The following PRPF8 variants were observed in gnomAD, a reference collection of about 807,000 sequenced individuals.
PRPF8 encodes pre-mRNA-processing-splicing factor 8.
PRPF8 carries 64 observed loss-of-function variants against 285.9 expected under a neutral mutation model. The observed-to-expected ratio is 0.22, with a 90% confidence interval of 0.18 to 0.28. The LOEUF is 0.28. Ranked by LOEUF, PRPF8 falls within the 10% of genes least tolerant of loss-of-function variation. The probability of loss-of-function intolerance (pLI) is 1.00; values close to 1 mark genes in which losing one functional copy is unlikely to be tolerated. For missense variants in PRPF8, 1,426 were observed against 3,026.7 expected (o/e 0.47, Z 12.41); for synonymous variants, 1,325 against 1,118.2 (o/e 1.18, Z -3.69).
In PRPF8 at chr17:1,681,495, A is replaced by T; in HGVS notation, c.849T>A (p.Val283=). Residue 283 remains valine (V), a synonymous_variant, in exon 6 of 43, where the codon GTT becomes GTA. Coordinates refer to ENST00000304992, the MANE Select transcript of PRPF8 (RefSeq NM_006445.4). ...CAACTCACTGTAGGTTGATGTCTCG[A>T]ACAAGAGGTTCAAATTTGGGGCCTC... ...IPGGPKFEPL[V]RDINLQDEDW... is the part of the protein sequence containing the mutation. 1 of 1,600,612 alleles carries T rather than the reference A, an allele frequency of 6.2e-7. No homozygotes were observed. The highest frequency in any genetic ancestry group is 8.6e-7 in the Non-Finnish European group (1 of 1,167,710).
In PRPF8 at chr17:1,653,230, G is replaced by A; in HGVS notation, c.6369+312C>T. On this transcript the variant is annotated intron_variant, in intron 39 of 42. Coordinates refer to ENST00000304992, the MANE Select transcript of PRPF8 (RefSeq NM_006445.4). The surrounding 1 kb of genome is among the most constrained non-coding windows in gnomAD (Gnocchi z 4.9). ...GCTGGGATTATAGGCATTAGCCACT[G>A]TGCCCAGCCGAGTGTTGGGATTACA... is the stretch of plus-strand genomic sequence containing the variant. 1 of 498,896 alleles carries A rather than the reference G, an allele frequency of 2.0e-6. No homozygotes were observed. Among genetic ancestry groups the A allele is most frequent in the Non-Finnish European group, 3.7e-6 (1 of 273,318 alleles). 30.9% of individuals were successfully genotyped at this position (498,896 alleles called of 1,614,324 possible). A position where few individuals can be genotyped will look rare whatever the true frequency, so the allele number is the denominator to read the frequency against.
intron 24 of PRPF8, among the ~76,000 whole-genome samples, chr17:1,663,582 G>A (rs994369900): frequency 7.3e-5 from 11 of 151,624 alleles, no homozygotes; most frequent in East Asian, 1.9e-4. Context: ...GGTGGCACGC[G>A]CCTGTAGTCT....
intron 30 of PRPF8, 114 bp from the exon 31 acceptor site, chr17:1,660,115 G>C (rs114095682): frequency 1.5e-6 from 2 of 1,294,334 alleles, no homozygotes; most frequent in Admixed American, 1.7e-5. Flanking sequence ...TTCCAGGGTG[G>C]ATTTCCCATA....
intron 24 of PRPF8, among the ~76,000 whole-genome samples, chr17:1,664,266 C>T (rs183976321): frequency 6.6e-6 from 1 of 152,272 alleles, no homozygotes; most frequent in Admixed American, 6.5e-5. Flanking sequence ...CTCCTGTGCT[C>T]AAGCAATCCA....
chr17:1,682,081 C>G (rs1912962198), intron 4 of PRPF8, 43 bp from the exon 5 acceptor site: 1 of 1,613,358 alleles, frequency 6.2e-7, no homozygotes, highest in Non-Finnish European at 8.5e-7. Flanking sequence ...CCCACTGCCT[C>G]CCAACCACCA....
In PRPF8 at chr17:1,679,494, T is replaced by G; in HGVS notation, c.1290-84A>C. 1 of 1,582,198 alleles carries G rather than the reference T, an allele frequency of 6.3e-7. No individual in the cohort carries two copies. The highest frequency in any genetic ancestry group is 1.5e-5 in the African/African-American group (1 of 65,524). Reference sequence around the variant, plus strand: ...GCTGCAAGCCTTGGGTTGTCTACCATTTTTATGGGAAAAAAAAAAAAAGAA... The same window carrying G: ...GCTGCAAGCCTTGGGTTGTCTACCAGTTTTATGGGAAAAAAAAAAAAAGAA... On this transcript the variant is annotated intron_variant, in intron 9 of 42. Coordinates refer to ENST00000304992, the MANE Select transcript of PRPF8 (RefSeq NM_006445.4). The surrounding 1 kb of genome is among the most constrained non-coding windows in gnomAD (Gnocchi z 4.7).
At chr17:1,664,975 G>GT (rs1308422033) in intron 24 of PRPF8, among the ~76,000 whole-genome samples, 2 of 151,870 alleles carry the variant, frequency 1.3e-5, no homozygotes, top group Non-Finnish European at 2.9e-5. Context: ...GGCCAACATG[G>GT]TAAAAACCTG....
At chr17:1,663,830 C>T (rs1378756437) in intron 24 of PRPF8, among the ~76,000 whole-genome samples, 1 of 146,322 alleles carries the variant, frequency 6.8e-6, no homozygotes, top group East Asian at 2.0e-4. Context: ...CCCATGCAAA[C>T]ACAAAACAAA....
Position 1,676,437 on chromosome 17 carries a change from A to C in PRPF8, c.2389-67T>G. The C allele has an allele frequency of 6.2e-7, 1 of 1,613,962 alleles. No individual in the cohort carries two copies. The highest frequency in any genetic ancestry group is 1.3e-5 in the African/African-American group (1 of 75,016). ...TCCTGCCAGAACAAGGTTCAGTCAC[A>C]ACTCTACAGTCCTCCCTCTTGCCCA... On this transcript the variant is annotated intron_variant, in intron 16 of 42. Coordinates refer to ENST00000304992, the MANE Select transcript of PRPF8 (RefSeq NM_006445.4). This position sits in a 1 kb window ranked among gnomAD's most constrained non-coding sequence, Gnocchi z 6.3.
At chr17:1,657,603 G>T (rs1911457974) in intron 34 of PRPF8, among the ~76,000 whole-genome samples, 1 of 143,260 alleles carries the variant, frequency 7.0e-6, no homozygotes, top group South Asian at 2.2e-4. Context: ...CTGAAATCAG[G>T]CCACTGCATT....
At position 1,659,936 on chromosome 17, in the gene PRPF8, T is replaced by C. The variant is rs1209742977; in HGVS notation, c.4851A>G (p.Arg1617=). ...AGGAAGAGTTCATCTTATATGACTT[T>C]CGGGGATGGATTGTCTCCTTTTGTA... The part of the protein sequence containing the change: ...ETVQKETIHP[R]KSYKMNSSCA... Residue 1617 remains arginine (R), a synonymous_variant, in exon 31 of 43, where the codon CGA becomes CGG. Coordinates refer to ENST00000304992, the MANE Select transcript of PRPF8 (RefSeq NM_006445.4). This position sits in a 1 kb window ranked among gnomAD's most constrained non-coding sequence, Gnocchi z 5.1. 1.2e-6 allele frequency: 2 copies of C among 1,614,126 alleles called. No homozygotes were observed. Among genetic ancestry groups the C allele is most frequent in the South Asian group, 1.1e-5 (1 of 91,082 alleles).
intron 24 of PRPF8, among the ~76,000 whole-genome samples, chr17:1,669,913 T>C (rs1023748673): frequency 5.3e-5 from 8 of 152,184 alleles, no homozygotes; most frequent in Admixed American, 4.6e-4. Context: ...TCTTGAGCTT[T>C]TGACCTTTTG....
At chr17:1,674,782 C>T (rs1442442984) in intron 20 of PRPF8, 102 bp from the exon 21 acceptor site, 1 of 1,267,088 alleles carries the variant, frequency 7.9e-7, no homozygotes, top group Non-Finnish European at 1.1e-6. Flanking sequence ...TACTTTTTTC[C>T]ACTCCCGAGG....
intron 24 of PRPF8, among the ~76,000 whole-genome samples, chr17:1,671,989 A>G (rs1478202006): frequency 6.6e-6 from 1 of 152,106 alleles, no homozygotes; most frequent in Non-Finnish European, 1.5e-5. Flanking sequence ...ACTGCCCTTC[A>G]GCCTAAGTGA....
Position 1,675,503 on chromosome 17 carries a change from T to C in PRPF8, c.2872+117A>G. The C allele has an allele frequency of 6.8e-7, 1 of 1,465,734 alleles. No individual in the cohort carries two copies. The highest frequency in any genetic ancestry group is 9.5e-7 in the Non-Finnish European group (1 of 1,048,418). 90.8% of individuals were successfully genotyped at this position (1,465,734 alleles called of 1,614,324 possible). On this transcript the variant is annotated intron_variant, in intron 19 of 42. Coordinates refer to ENST00000304992, the MANE Select transcript of PRPF8 (RefSeq NM_006445.4). This position sits in a 1 kb window ranked among gnomAD's most constrained non-coding sequence, Gnocchi z 6.0. ...TTCCTCAGTTTAACACGAACACTAC[T>C]TCCCTTTACTACCACGCATCAAGAG...
chr17:1,684,494 C>A lies in PRPF8; in HGVS notation c.78G>T (p.Ser26=), dbSNP rs1472672989. 6.2e-7 allele frequency: 1 copy of A among 1,612,710 alleles called. No homozygotes were observed. The highest frequency in any genetic ancestry group is 2.2e-5 in the East Asian group (1 of 44,862). Residue 26 remains serine, a synonymous_variant, in exon 2 of 43, where the codon TCG becomes TCT. Coordinates refer to ENST00000304992, the MANE Select transcript of PRPF8 (RefSeq NM_006445.4). ...CACCTTTCTCCTGCAGCTTCTCCTC[C>A]GACATGTAGTCCGGTAGCGGGGCTA... ...GPLAPLPDYM[S]EEKLQEKARK...
At position 1,682,211 on chromosome 17, in the gene PRPF8, C is replaced by G; in HGVS notation, c.352G>C (p.Val118Leu). The G allele has an allele frequency of 6.2e-7, 1 of 1,614,164 alleles. No homozygotes were observed. Among genetic ancestry groups the G allele is most frequent in the Non-Finnish European group, 8.5e-7 (1 of 1,180,028 alleles). The change falls in exon 4 of 43, where the codon GTG becomes CTG. Residue 118 changes from valine (V) to leucine (L), a missense_variant. Around this residue, in one of 34 missense-constraint regions of PRPF8, gnomAD observed 96 missense variants for 188.3 expected, o/e 0.51. Transcript: ENST00000304992. ...ATGGCTCCAGTGATGTGGTACAGCACAGGCACATCCCGAATCTGCTCCCAA... is the reference window on the plus strand; with the variant it reads ...ATGGCTCCAGTGATGTGGTACAGCAGAGGCACATCCCGAATCTGCTCCCAA... ...MPWEQIRDVP[V>L]LYHITGAISF...
rs1409071729 is a variant in PRPF8 at position 1,660,821 on chromosome 17, C to T, written c.4515G>A (p.Lys1505=). The change falls in exon 29 of 43, where the codon AAG becomes AAA. Residue 1505 remains lysine (K), a synonymous_variant. Transcript: ENST00000304992. The part of the protein sequence containing the change: ...FPTWEGLFWE[K]ASGFEESMKW... Reference sequence around the variant, plus strand: ...TCATAGATTCCTCAAAGCCACTGGCCTTCTCCCTGGGGAGCAAGAGAAGCA... The same window carrying T: ...TCATAGATTCCTCAAAGCCACTGGCTTTCTCCCTGGGGAGCAAGAGAAGCA... 2.5e-6 allele frequency: 4 copies of T among 1,613,804 alleles called. No individual in the cohort carries two copies. The highest frequency in any genetic ancestry group is 1.7e-6 in the Non-Finnish European group (2 of 1,180,040).
At chr17:1,660,067 A>G (rs1462318694) in intron 30 of PRPF8, 66 bp from the exon 31 acceptor site, 9 of 1,550,116 alleles carry the variant, frequency 5.8e-6, no homozygotes, top group Non-Finnish European at 8.0e-6. Flanking sequence ...AGTTTGTACA[A>G]TAAGATAATG....
Sources: allele counts gnomAD v4.1 joint callset (sites outside exome capture counted in the v4.1 genomes callset), GRCh38; gene constraint gnomAD v4.1.1; regional missense constraint gnomAD v4.1.1; non-coding constraint Gnocchi (gnomAD v3.1); transcripts MANE v1.5; gene names NCBI Gene and HGNC (gene_info 2026-07-23, HGNC 2026-07-21).